Variants in AGBL1 observed in about 807,000 individuals in gnomAD.
The protein encoded by AGBL1 is cytosolic carboxypeptidase 4.
Under a neutral mutation model 118.9 loss-of-function variants are expected in AGBL1, and 130 were observed. The ratio of observed to expected loss-of-function variants is 1.09; its 90% CI spans 0.95 to 1.26. The LOEUF is 1.26. AGBL1 is among the 50% of genes most tolerant of loss of function. The pLI is 0.00. For synonymous variants in AGBL1, 555 were observed against 478.9 expected, an observed-to-expected ratio of 1.16 and a Z score of -2.08; for missense variants, 1,584 against 1,298.1, an observed-to-expected ratio of 1.22 and a Z score of -3.38.
At chr15:86,288,660 A>G (rs1230317738) in intron 16 of AGBL1, among the ~76,000 whole-genome samples, 1 of 152,112 alleles carries the variant, frequency 6.6e-6, no homozygotes, top group East Asian at 1.9e-4. Context: ...CTACAGTTCC[A>G]TGAATATTTG....
At chr15:86,799,497 GC>G (rs1293736232) in intron 22 of AGBL1, among the ~76,000 whole-genome samples, 2 of 152,094 alleles carry the variant, frequency 1.3e-5, no homozygotes. Flanking sequence ...TTAATGCACG[GC>G]TATACCACAT....
intron 20 of AGBL1, among the ~76,000 whole-genome samples, chr15:86,551,902 G>A (rs567917759): frequency 2.2e-4 from 34 of 152,276 alleles, no homozygotes; most frequent in African/African-American, 7.7e-4. Flanking sequence ...GCTACATACT[G>A]TATTTCCAGC....
intron 21 of AGBL1, among the ~76,000 whole-genome samples, chr15:86,564,928 A>T (rs1415171076): frequency 1.3e-5 from 2 of 152,084 alleles, no homozygotes; most frequent in Non-Finnish European, 2.9e-5. Context: ...CGAATTGCCT[A>T]CTGGAGCTTG....
At chr15:86,931,159 T>A (rs2080598751) in intron 23 of AGBL1, among the ~76,000 whole-genome samples, 1 of 152,230 alleles carries the variant, frequency 6.6e-6, no homozygotes, top group Admixed American at 6.5e-5. Context: ...TTCCTTTCCT[T>A]AACCAATTGC....
intron 5 of AGBL1, among the ~76,000 whole-genome samples, chr15:86,213,362 G>A (rs1056164963): frequency 4.6e-5 from 7 of 152,136 alleles, no homozygotes; most frequent in African/African-American, 1.4e-4. Flanking sequence ...GATCTACTGA[G>A]CACCCACTGC....
chr15:87,029,157 A>G (rs984200394), downstream of AGBL1: 3 of 242,940 alleles, frequency 1.2e-5, no homozygotes, highest in Admixed American at 1.1e-4. Flanking sequence ...GGTACTTCAC[A>G]TAGATAGTCT....
intron 24 of AGBL1, among the ~76,000 whole-genome samples, chr15:87,020,037 T>A (rs1946621): frequency 6.6e-6 from 1 of 151,578 alleles, no homozygotes; most frequent in East Asian, 2.0e-4. Context: ...CCTGGACATA[T>A]GCACCCACCC....
intron 21 of AGBL1, among the ~76,000 whole-genome samples, chr15:86,644,596 G>A (rs1364081845): frequency 1.4e-5 from 2 of 146,384 alleles, no homozygotes; most frequent in Non-Finnish European, 3.0e-5. Context: ...TTGGTCATGT[G>A]TTTTGTGTGA....
intron 21 of AGBL1, among the ~76,000 whole-genome samples, chr15:86,664,858 AAT>A: frequency 1.8e-5 from 1 of 56,416 alleles, no homozygotes; most frequent in Admixed American, 1.7e-4. Flanking sequence ...TACATAAAAT[AAT>A]ATCTTAATTC....
chr15:86,735,651 G>GATATATAT (rs1196938111), intron 22 of AGBL1, among the ~76,000 whole-genome samples: 8 of 111,220 alleles, frequency 7.2e-5, no homozygotes, highest in East Asian at 3.4e-4. Flanking sequence ...CTGCTACAAA[G>GATATATAT]AGAGATATAT....
At position 86,250,406 on chromosome 15, in the gene AGBL1, A is replaced by G. The variant is rs576002387; in HGVS notation, c.735+2527A>G. ...CCGGGCGTGGTAGCATGTGTCCGTA[A>G]TCCCAGCTACTCAGGAGGCTGAGAC... is the stretch of plus-strand genomic sequence containing the variant. On this transcript the variant is annotated intron_variant, in intron 7 of 22. Transcript: ENST00000614907. Among the ~76,000 whole-genome samples, 9 of 151,716 alleles carry G rather than the reference A, an allele frequency of 5.9e-5. No individual in the cohort carries two copies. The South Asian group carries it at 1.7e-3, about 28-fold the overall frequency.
chr15:86,294,840 G>T (rs1486002387), intron 16 of AGBL1, among the ~76,000 whole-genome samples: 3 of 152,100 alleles, frequency 2.0e-5, no homozygotes, highest in Non-Finnish European at 2.9e-5. Flanking sequence ...AGCACTTTTA[G>T]GGTATCCATC....
chr15:86,765,448 G>C (rs547405218), intron 22 of AGBL1, among the ~76,000 whole-genome samples: 1 of 151,908 alleles, frequency 6.6e-6, no homozygotes, highest in Non-Finnish European at 1.5e-5. Context: ...GTATTATAGC[G>C]AGGGCAGGAA....
chr15:86,736,110 T>A (rs929271091), intron 22 of AGBL1, among the ~76,000 whole-genome samples: 1 of 152,050 alleles, frequency 6.6e-6, no homozygotes. Context: ...GGGCCAGGCA[T>A]GGTGACTCTC....
chr15:86,655,017 A>G (rs1485206870), intron 21 of AGBL1, among the ~76,000 whole-genome samples: 1 of 152,174 alleles, frequency 6.6e-6, no homozygotes, highest in Non-Finnish European at 1.5e-5. Context: ...CTGTTAGCCA[A>G]GAATTCATAC....
intron 22 of AGBL1, among the ~76,000 whole-genome samples, chr15:86,715,669 T>G (rs1291057995): frequency 6.6e-6 from 1 of 152,070 alleles, no homozygotes; most frequent in African/African-American, 2.4e-5. Flanking sequence ...TAAGTAGGGA[T>G]GGCTGTTGGA....
intron 18 of AGBL1, among the ~76,000 whole-genome samples, chr15:86,464,279 A>C (rs1020309402): frequency 5.3e-5 from 8 of 152,270 alleles, no homozygotes; most frequent in African/African-American, 1.9e-4. Flanking sequence ...TGATTTTTGC[A>C]CATTAATTTT....
At chr15:86,491,312 AG>A (rs1567021982) in intron 18 of AGBL1, among the ~76,000 whole-genome samples, 1 of 152,128 alleles carries the variant, frequency 6.6e-6, no homozygotes, top group Non-Finnish European at 1.5e-5. Context: ...AATGTTTGGC[AG>A]TATTTGGTCA....
intron 20 of AGBL1, 111 bp downstream of exon 20, chr15:86,546,244 A>G: frequency 8.4e-7 from 1 of 1,192,542 alleles, no homozygotes; most frequent in South Asian, 2.3e-5. Context: ...TTTGTAAATA[A>G]GCATTTTAAT....
Sources: gnomAD v4.1 joint callset for allele counts (sites outside exome capture counted in the v4.1 genomes callset) on GRCh38, gnomAD v4.1.1 for gene constraint, MANE v1.5 for transcripts, NCBI Gene and HGNC (gene_info 2026-07-23, HGNC 2026-07-21) for gene names.